Variants in GOLM1 observed in about 807,000 individuals in gnomAD.
The protein encoded by GOLM1 is epididymis luminal protein 46.
GOLM1 carries 31 observed loss-of-function variants against 50.5 expected under a neutral mutation model. The observed-to-expected ratio is 0.61, with a 90% CI of 0.46 to 0.83. GOLM1 has a LOEUF of 0.83. Ranked by LOEUF, GOLM1 falls within the 40% of genes least tolerant of loss-of-function variation. GOLM1 has a pLI of 0.00. For missense variants in GOLM1, 491 were observed against 501.3 expected (o/e 0.98, Z 0.20); for synonymous variants, 178 against 192.8 (o/e 0.92, Z 0.64).
At chr9:86,032,170 TTTG>T (rs1321933279) in intron 9 of GOLM1, among the ~76,000 whole-genome samples, 12 of 152,008 alleles carry the variant, frequency 7.9e-5, no homozygotes, top group African/African-American at 1.4e-4. Flanking sequence ...CTTGGATTCT[TTTG>T]TTGTTGTTGT....
chr9:86,072,650 T>A (rs1272005153), intron 3 of GOLM1, among the ~76,000 whole-genome samples: 1 of 152,252 alleles, frequency 6.6e-6, no homozygotes, highest in Non-Finnish European at 1.5e-5. Flanking sequence ...TTAACTCAAT[T>A]ACTTTGTAAC....
intron 3 of GOLM1, among the ~76,000 whole-genome samples, chr9:86,074,200 C>T (rs542922052): frequency 2.2e-3 from 331 of 147,368 alleles, no homozygotes; most frequent in African/African-American, 8.0e-3. Flanking sequence ...GAGACTTGTT[C>T]CAGTTCTAAC....
chr9:86,055,275 T>C (rs1381634791), intron 3 of GOLM1, among the ~76,000 whole-genome samples: 2 of 152,090 alleles, frequency 1.3e-5, no homozygotes, highest in Non-Finnish European at 2.9e-5. Flanking sequence ...TGTGTACAGG[T>C]ATGCTGTACA....
chr9:86,053,619 CCAA>C (rs1564347468), intron 3 of GOLM1, among the ~76,000 whole-genome samples: 3 of 59,022 alleles, frequency 5.1e-5, no homozygotes, highest in African/African-American at 2.0e-4. Flanking sequence ...ACACACCACA[CCAA>C]ACATCACTAC....
chr9:86,058,930 G>A (rs1834069467), intron 3 of GOLM1, among the ~76,000 whole-genome samples: 2 of 152,208 alleles, frequency 1.3e-5, no homozygotes, highest in South Asian at 2.1e-4. Flanking sequence ...TCCAGGAGGC[G>A]GAAGTTGCAG....
Position 86,072,123 on chromosome 9 carries a change from C to G in GOLM1, c.309+5289G>C, listed in dbSNP as rs896505577. On this transcript the variant is annotated intron_variant, in intron 3 of 9. Transcript: ENST00000388712. ...AAAAAATATACATGTTGTTTTTGAA[C>G]GTGTATAGTAATAGTTCAGAAATAT... 2.6e-5 allele frequency among the ~76,000 whole-genome samples: 4 copies of G among 152,046 alleles called. 1 individual carries two copies. Among genetic ancestry groups the G allele is most frequent in the Non-Finnish European group, 5.9e-5 (4 of 67,996 alleles).
In GOLM1 at chr9:86,026,307, T is replaced by G. The variant is rs970457721; in HGVS notation, c.*1510A>C. 6 of 984,980 alleles carry G rather than the reference T, an allele frequency of 6.1e-6. No individual in the cohort carries two copies. The highest frequency in any genetic ancestry group is 6.0e-6 in the Non-Finnish European group (5 of 829,652). 61.0% of individuals were successfully genotyped at this position (984,980 alleles called of 1,614,324 possible). ...GACTTAGAAGAGTATGAAAGTACTC[T>G]AAGATTTTATCTAAGTTGCCTTTTC... On this transcript the variant is annotated 3_prime_UTR_variant, in exon 10 of 10. Transcript: ENST00000388712.
chr9:86,082,986 A>G (rs1834832456), intron 1 of GOLM1, among the ~76,000 whole-genome samples: 1 of 152,336 alleles, frequency 6.6e-6, no homozygotes, highest in Non-Finnish European at 1.5e-5. Flanking sequence ...GGTTTGCTCC[A>G]TTCTTTTCAA....
intron 3 of GOLM1, among the ~76,000 whole-genome samples, chr9:86,060,632 A>G (rs1172870215): frequency 2.0e-5 from 3 of 152,116 alleles, no homozygotes; most frequent in African/African-American, 7.2e-5. Flanking sequence ...CTGTAATCCC[A>G]GCACTTTGGG....
In GOLM1 at chr9:86,035,433, C is replaced by T. The variant is rs772129040; in HGVS notation, c.950G>A (p.Gly317Asp). The change falls in exon 8 of 10, where the codon GGC (glycine) becomes GAC (aspartate). Residue 317 changes from glycine to aspartate, a missense_variant. Gly to Asp is a moderately conservative substitution (Grantham distance 94, BLOSUM62 -1). Coordinates refer to ENST00000388712, the MANE Select transcript of GOLM1 (RefSeq NM_016548.4). ...SVSQENPEME[G>D]PERDQLVIPD... ...GATGACAAGCTGGTCTCGCTCAGGG[C>T]CCTCCATCTCTGGATTTTCCTGGCT... The T allele has an allele frequency of 6.8e-6, 11 of 1,613,956 alleles. No individual in the cohort carries two copies. In the Admixed American group the frequency reaches 1.8e-4, roughly 27 times the overall value.
chr9:86,056,254 AT>A (rs1270152778), intron 3 of GOLM1, among the ~76,000 whole-genome samples: 1 of 152,058 alleles, frequency 6.6e-6, no homozygotes, highest in Non-Finnish European at 1.5e-5. Flanking sequence ...AAAAAAATAT[AT>A]TTTTGTTATC....
intron 3 of GOLM1, among the ~76,000 whole-genome samples, chr9:86,053,933 C>G (rs1445602460): frequency 6.6e-6 from 1 of 152,106 alleles, no homozygotes; most frequent in Non-Finnish European, 1.5e-5. Flanking sequence ...CCTCAGAGCT[C>G]AAACTCCAAA....
At chr9:86,054,105 A>G (rs1260317753) in intron 3 of GOLM1, among the ~76,000 whole-genome samples, 1 of 152,186 alleles carries the variant, frequency 6.6e-6, no homozygotes, top group African/African-American at 2.4e-5. Context: ...GAAAGTCAAC[A>G]GTAGAGGAGG....
chr9:86,064,647 C>T (rs1167145310), intron 3 of GOLM1, among the ~76,000 whole-genome samples: 6 of 152,190 alleles, frequency 3.9e-5, no homozygotes, highest in Non-Finnish European at 8.8e-5. Context: ...GACGGCTTCC[C>T]CGGTCTTGAA....
At chr9:86,098,352 C>T (rs2118922395) in intron 1 of GOLM1, among the ~76,000 whole-genome samples, 1 of 152,280 alleles carries the variant, frequency 6.6e-6, no homozygotes, top group African/African-American at 2.4e-5. Flanking sequence ...CCATGCCCTC[C>T]AAAATTCAGA....
chr9:86,083,759 G>C (rs1265478250), intron 1 of GOLM1, among the ~76,000 whole-genome samples: 1 of 152,206 alleles, frequency 6.6e-6, no homozygotes, highest in East Asian at 1.9e-4. Context: ...CTGTGTTTAC[G>C]AACTCTTACC....
At chr9:86,092,322 T>C (rs1437987460) in intron 1 of GOLM1, among the ~76,000 whole-genome samples, 1 of 152,216 alleles carries the variant, frequency 6.6e-6, no homozygotes, top group East Asian at 1.9e-4. Context: ...TGATGCATGT[T>C]TTCCTTCCAT....
chr9:86,086,038 G>A (rs1379324315), intron 1 of GOLM1, among the ~76,000 whole-genome samples: 1 of 152,156 alleles, frequency 6.6e-6, no homozygotes, highest in Admixed American at 6.5e-5. Context: ...AGATCCTTGA[G>A]GAATCACCAC....
chr9:86,065,428 T>C (rs1005131153), intron 3 of GOLM1, among the ~76,000 whole-genome samples: 2 of 152,164 alleles, frequency 1.3e-5, no homozygotes, highest in African/African-American at 4.8e-5. Flanking sequence ...TTAAAGGTGA[T>C]AAAAATCAAA....
Sources: gnomAD v4.1 joint callset for allele counts (sites outside exome capture counted in the v4.1 genomes callset) on GRCh38, gnomAD v4.1.1 for gene constraint, MANE v1.5 for transcripts, NCBI Gene and HGNC (gene_info 2026-07-23, HGNC 2026-07-21) for gene names.